RNGTT: variants seen among roughly 807,000 people sequenced by gnomAD.
RNGTT encodes mRNA-capping enzyme.
Under a neutral mutation model 79.3 loss-of-function variants are expected in RNGTT, and 33 were observed. The ratio of observed to expected loss-of-function variants is 0.42; its 90% CI spans 0.32 to 0.56. RNGTT has a LOEUF of 0.56. Ranked by LOEUF, RNGTT falls within the 20% of genes least tolerant of loss-of-function variation. The pLI, the probability that RNGTT is intolerant of heterozygous loss-of-function variation, is 0.17. For missense variants in RNGTT, 497 were observed against 739.1 expected (o/e 0.67, Z 3.80); for synonymous variants, 222 against 235.9 (o/e 0.94, Z 0.54).
chr6:88,649,391 G>A (rs1562170423), intron 14 of RNGTT, among the ~76,000 whole-genome samples: 2 of 152,124 alleles, frequency 1.3e-5, no homozygotes, highest in Non-Finnish European at 2.9e-5. Flanking sequence ...GGCCAAAATC[G>A]AATTAATGCA....
intron 4 of RNGTT, among the ~76,000 whole-genome samples, chr6:88,914,426 C>G (rs1012086720): frequency 3.9e-5 from 6 of 151,962 alleles, no homozygotes; most frequent in African/African-American, 1.4e-4. Flanking sequence ...CATGGTACTC[C>G]TACAAAAAAA....
chr6:88,774,386 G>T (rs910832225), intron 12 of RNGTT, among the ~76,000 whole-genome samples: 7 of 152,186 alleles, frequency 4.6e-5, no homozygotes, highest in Non-Finnish European at 8.8e-5. Flanking sequence ...ATGTGAAATG[G>T]TGCAGCCACT....
chr6:88,756,888 G>C (rs570245805), intron 13 of RNGTT, among the ~76,000 whole-genome samples: 66 of 152,276 alleles, frequency 4.3e-4, no homozygotes, highest in Non-Finnish European at 7.2e-4. Context: ...GGATGGACAG[G>C]TTGGGAGAGT....
intron 11 of RNGTT, among the ~76,000 whole-genome samples, chr6:88,822,221 G>C (rs1256668685): frequency 6.6e-6 from 1 of 152,156 alleles, no homozygotes; most frequent in African/African-American, 2.4e-5. Context: ...GGGAATTAGA[G>C]AGACACATTT....
chr6:88,720,364 T>C (rs1776667177), intron 13 of RNGTT, among the ~76,000 whole-genome samples: 1 of 152,076 alleles, frequency 6.6e-6, no homozygotes, highest in African/African-American at 2.4e-5. Flanking sequence ...TCTTCAGCCT[T>C]TTATTATTTT....
At chr6:88,694,945 T>C (rs930066519) in intron 13 of RNGTT, among the ~76,000 whole-genome samples, 2 of 152,140 alleles carry the variant, frequency 1.3e-5, no homozygotes, top group African/African-American at 2.4e-5. Context: ...TCTCAGCCTC[T>C]GGAACTCTGA....
At chr6:88,721,326 T>G (rs1034530908) in intron 13 of RNGTT, among the ~76,000 whole-genome samples, 1 of 152,066 alleles carries the variant, frequency 6.6e-6, no homozygotes, top group African/African-American at 2.4e-5. Context: ...CTTATAATAT[T>G]TATTACATTT....
At chr6:88,658,569 G>T (rs1774067260) in intron 14 of RNGTT, among the ~76,000 whole-genome samples, 1 of 152,344 alleles carries the variant, frequency 6.6e-6, no homozygotes, top group East Asian at 1.9e-4. Flanking sequence ...AATATTGAGT[G>T]TCAACTTGAT....
At chr6:88,906,572 T>C in intron 4 of RNGTT, 132 bp from the exon 5 acceptor site, 1 of 572,824 alleles carries the variant, frequency 1.7e-6, no homozygotes, top group Non-Finnish European at 3.1e-6. Context: ...TTTTTTAACT[T>C]GAAACACCCT....
intron 13 of RNGTT, among the ~76,000 whole-genome samples, chr6:88,748,418 T>C (rs753268581): frequency 6.6e-6 from 1 of 152,086 alleles, no homozygotes; most frequent in African/African-American, 2.4e-5. Flanking sequence ...TCATATCTAC[T>C]ATCTGCTTGG....
intron 13 of RNGTT, among the ~76,000 whole-genome samples, chr6:88,688,246 C>T (rs1775350146): frequency 6.6e-6 from 1 of 152,008 alleles, no homozygotes; most frequent in Non-Finnish European, 1.5e-5. Context: ...TCTCACTGTA[C>T]AAAGAGTTAC....
intron 10 of RNGTT, among the ~76,000 whole-genome samples, chr6:88,846,691 C>T (rs1157462448): frequency 6.6e-6 from 1 of 150,810 alleles, no homozygotes; most frequent in Non-Finnish European, 1.5e-5. Context: ...ACACGGGAGG[C>T]AGAGGTTGCT....
chr6:88,795,695 C>A (rs6938150), intron 12 of RNGTT, among the ~76,000 whole-genome samples: 132,774 of 149,290 alleles, frequency 0.89, 58,129 homozygotes, highest in East Asian at 0.93. Flanking sequence ...TTTTTAAAAA[C>A]CACCACCAAA....
intron 14 of RNGTT, among the ~76,000 whole-genome samples, chr6:88,649,233 T>C (rs149380355): frequency 7.4e-4 from 112 of 152,286 alleles, no homozygotes; most frequent in African/African-American, 2.5e-3. Flanking sequence ...ATAGTATGTA[T>C]AGTCACAGAA....
At chr6:88,678,459 C>T (rs1299826645) in intron 13 of RNGTT, 40 bp from the exon 14 acceptor site, 2 of 1,285,814 alleles carry the variant, frequency 1.6e-6, no homozygotes, top group South Asian at 5.3e-5. Context: ...AATACTCCTT[C>T]TTATAAATAA....
intron 7 of RNGTT, 62 bp from the exon 8 acceptor site, chr6:88,890,658 A>G (rs1321395011): frequency 1.9e-6 from 2 of 1,051,874 alleles, no homozygotes; most frequent in Non-Finnish European, 2.8e-6. Flanking sequence ...TACATGTCTT[A>G]AACCAATCTC....
intron 10 of RNGTT, 126 bp from the exon 11 acceptor site, chr6:88,844,647 CA>C: frequency 1.5e-5 from 12 of 807,830 alleles, no homozygotes; most frequent in Non-Finnish European, 1.9e-5. Context: ...ATTCAGTGCA[CA>C]GCGTGCACAA....
intron 13 of RNGTT, among the ~76,000 whole-genome samples, chr6:88,683,156 A>G (rs1382968660): frequency 6.6e-6 from 1 of 152,158 alleles, no homozygotes; most frequent in Non-Finnish European, 1.5e-5. Flanking sequence ...CATGAAACGG[A>G]AAACACACTG....
intron 14 of RNGTT, among the ~76,000 whole-genome samples, chr6:88,655,602 T>G (rs1034614251): frequency 6.6e-6 from 1 of 152,020 alleles, no homozygotes; most frequent in South Asian, 2.1e-4. Context: ...GAAAAATAAC[T>G]GCCTTAAAAA....
Sources: allele counts gnomAD v4.1 joint callset (sites outside exome capture counted in the v4.1 genomes callset), GRCh38; gene constraint gnomAD v4.1.1; transcripts MANE v1.5; gene names NCBI Gene and HGNC (gene_info 2026-07-23, HGNC 2026-07-21).